The following EPAS1 variants were observed in gnomAD, a reference collection of about 807,000 sequenced individuals.
EPAS1 encodes endothelial PAS domain protein 1.
In EPAS1, 23 loss-of-function variants were observed where a neutral mutation model predicts 87.9. The observed-to-expected ratio is 0.26, with a 90% CI of 0.19 to 0.37. EPAS1 has a LOEUF of 0.37. Among genes scored for constraint, EPAS1 ranks in the 10% least tolerant of loss-of-function variants. The pLI is 1.00. For synonymous variants in EPAS1, 508 were observed against 444.3 expected (o/e 1.14, Z -1.80); for missense variants, 1,138 against 1,120.7 (o/e 1.02, Z -0.22).
At chr2:46,364,541 A>G (rs1572640642) in intron 6 of EPAS1, among the ~76,000 whole-genome samples, 1 of 152,236 alleles carries the variant, frequency 6.6e-6, no homozygotes, top group Admixed American at 6.5e-5. Flanking sequence ...AGGAATACAG[A>G]TGGTTCAAAA....
chr2:46,379,177 C>T (rs986514252), intron 11 of EPAS1, among the ~76,000 whole-genome samples: 2 of 152,168 alleles, frequency 1.3e-5, no homozygotes, highest in Non-Finnish European at 2.9e-5. Context: ...ATATGAAATG[C>T]ACTTTAAAAT....
chr2:46,352,175 C>T (rs1684177960), intron 2 of EPAS1, among the ~76,000 whole-genome samples: 1 of 152,158 alleles, frequency 6.6e-6, no homozygotes, highest in Admixed American at 6.5e-5. Flanking sequence ...AGATCTGGAG[C>T]CCAGGATGAT....
intron 9 of EPAS1, 115 bp downstream of exon 9, chr2:46,376,868 C>T (rs1684763168): frequency 1.8e-6 from 2 of 1,093,042 alleles, no homozygotes; most frequent in East Asian, 2.5e-5. Flanking sequence ...TACCCCAGCC[C>T]CCCAAGTCTT....
intron 1 of EPAS1, among the ~76,000 whole-genome samples, chr2:46,334,646 C>T: frequency 1.3e-5 from 2 of 152,306 alleles, no homozygotes; most frequent in South Asian, 4.1e-4. Context: ...ATAGTTGTTC[C>T]ACATTTCATT....
chr2:46,381,447 T>G (rs1572649909), intron 12 of EPAS1, 149 bp from the exon 13 acceptor site: 1 of 1,277,664 alleles, frequency 7.8e-7, no homozygotes, highest in Non-Finnish European at 1.1e-6. Context: ...GGCCTGCAGG[T>G]GCACAGCCTG....
At position 46,310,154 on chromosome 2, in the gene EPAS1, C is replaced by T. The variant is rs529421475; in HGVS notation, c.26+12217C>T. Among the ~76,000 whole-genome samples, 14 of 152,326 alleles carry T rather than the reference C, an allele frequency of 9.2e-5. No homozygotes were observed. In the South Asian group the frequency reaches 2.7e-3, roughly 29 times the overall value. ...TGGAGTGGGAGCTGGAAGAGGACAG[C>T]TTGCTGTATCCTAAAATAGCAGTGA... is the stretch of plus-strand genomic sequence containing the variant. On this transcript the variant is annotated intron_variant, in intron 1 of 15. Coordinates refer to ENST00000263734, the MANE Select transcript of EPAS1 (RefSeq NM_001430.5).
chr2:46,315,223 G>A (rs759252534), intron 1 of EPAS1, among the ~76,000 whole-genome samples: 21 of 152,176 alleles, frequency 1.4e-4, no homozygotes, highest in Non-Finnish European at 2.6e-4. Context: ...CAGGCAACCC[G>A]GAGGAACTGT....
At chr2:46,332,405 A>G (rs2104859363) in intron 1 of EPAS1, among the ~76,000 whole-genome samples, 1 of 151,342 alleles carries the variant, frequency 6.6e-6, no homozygotes. Flanking sequence ...AATAAAAGTG[A>G]TTTGCAGAAA....
At chr2:46,378,912 G>C in intron 11 of EPAS1, 145 bp downstream of exon 11, 1 of 763,572 alleles carries the variant, frequency 1.3e-6, no homozygotes, top group South Asian at 1.5e-5. Flanking sequence ...TAAAGAGGTA[G>C]GGGTACAGGG....
chr2:46,363,869 CAT>C (rs1395606995), intron 6 of EPAS1, among the ~76,000 whole-genome samples: 3 of 152,164 alleles, frequency 2.0e-5, no homozygotes, highest in African/African-American at 7.2e-5. Context: ...CATTTAAAGA[CAT>C]AGAATGCTGT....
intron 6 of EPAS1, among the ~76,000 whole-genome samples, chr2:46,366,377 T>C (rs902193907): frequency 4.6e-5 from 7 of 152,250 alleles, no homozygotes; most frequent in Non-Finnish European, 1.0e-4. Context: ...TGAAGTCCAG[T>C]GCTCAGAGAG....
At chr2:46,372,825 G>A (rs1684654577) in intron 7 of EPAS1, among the ~76,000 whole-genome samples, 1 of 152,234 alleles carries the variant, frequency 6.6e-6, no homozygotes, top group Non-Finnish European at 1.5e-5. Context: ...AATTTGGTTT[G>A]CATTAAGGAC....
chr2:46,311,983 T>G (rs1289888624), intron 1 of EPAS1, among the ~76,000 whole-genome samples: 1 of 152,216 alleles, frequency 6.6e-6, no homozygotes, highest in Non-Finnish European at 1.5e-5. Flanking sequence ...TCTTGGTGAT[T>G]CCAGGCCACC....
chr2:46,381,654 C>G lies in EPAS1; in HGVS notation c.2104C>G (p.Leu702Val), dbSNP rs1322556373. 4 of 1,614,032 alleles carry G rather than the reference C, an allele frequency of 2.5e-6. No homozygotes were observed. The highest frequency in any genetic ancestry group is 1.7e-5 in the Admixed American group (1 of 60,024). Residue 702 changes from leucine (L) to valine (V), a missense_variant, in exon 13 of 16, where the codon CTC (leucine) becomes GTC (valine). Physicochemically the swap from Leu to Val is conservative, Grantham distance 32. Coordinates refer to ENST00000263734, the MANE Select transcript of EPAS1 (RefSeq NM_001430.5). ...PDVLSPAMVA[L>V]SNKLKLKRQL... ...CGTGCTGAGTCCGGCCATGGTAGCC[C>G]TCTCCAACAAGCTGAAGCTGAAGCG...
intron 1 of EPAS1, among the ~76,000 whole-genome samples, chr2:46,298,459 C>T (rs114114460): frequency 1.3e-5 from 2 of 152,182 alleles, no homozygotes; most frequent in African/African-American, 4.8e-5. Context: ...ACGATCCTAC[C>T]GAGGAGCCAG....
intron 4 of EPAS1, among the ~76,000 whole-genome samples, chr2:46,358,286 C>A (rs1460950705): frequency 6.6e-6 from 1 of 152,198 alleles, no homozygotes; most frequent in East Asian, 1.9e-4. Flanking sequence ...CTTCTGCAGG[C>A]CTTAGACCAC....
intron 2 of EPAS1, among the ~76,000 whole-genome samples, chr2:46,355,355 G>C (rs1476850677): frequency 2.6e-5 from 4 of 152,214 alleles, no homozygotes; most frequent in Non-Finnish European, 5.9e-5. Flanking sequence ...ATAGGAGGCT[G>C]ATCTAGGAAT....
chr2:46,364,776 A>C (rs1684468436), intron 6 of EPAS1, among the ~76,000 whole-genome samples: 1 of 152,256 alleles, frequency 6.6e-6, no homozygotes, highest in South Asian at 2.1e-4. Context: ...TTCTTCATTT[A>C]CGACTCAAAC....
intron 1 of EPAS1, among the ~76,000 whole-genome samples, chr2:46,342,741 C>G (rs1362768342): frequency 6.6e-6 from 1 of 152,160 alleles, no homozygotes; most frequent in Non-Finnish European, 1.5e-5. Context: ...AAGCCATGCT[C>G]GGAGCAATGA....
Sources: allele counts gnomAD v4.1 joint callset (sites outside exome capture counted in the v4.1 genomes callset), GRCh38; gene constraint gnomAD v4.1.1; transcripts MANE v1.5; gene names NCBI Gene and HGNC (gene_info 2026-07-23, HGNC 2026-07-21).